The following UQCC1 variants were observed in gnomAD, a reference collection of about 807,000 sequenced individuals.
The protein encoded by UQCC1 is ubiquinol-cytochrome c reductase complex assembly factor 1, also known as bFGF-repressed Zic-binding protein.
A neutral mutation model predicts 48.0 loss-of-function variants in UQCC1; 38 were observed. The observed-to-expected ratio is 0.79, with a 90% CI of 0.61 to 1.04. The LOEUF (loss-of-function observed/expected upper bound fraction) is 1.04. Ranked by LOEUF, UQCC1 falls within the 50% of genes least tolerant of loss-of-function variation. The probability of loss-of-function intolerance (pLI) is 0.00; values close to 1 mark genes in which losing one functional copy is unlikely to be tolerated. For missense variants in UQCC1, 368 were observed against 381.8 expected, an observed-to-expected ratio of 0.96 and a Z score of 0.30; for synonymous variants, 111 against 129.2, an observed-to-expected ratio of 0.86 and a Z score of 0.95.
chr20:35,393,675 T>A (rs2062039456), intron 2 of UQCC1, among the ~76,000 whole-genome samples: 2 of 152,214 alleles, frequency 1.3e-5, no homozygotes, highest in African/African-American at 4.8e-5. Context: ...AACTACATTA[T>A]AATGATTAGG....
intron 1 of UQCC1, among the ~76,000 whole-genome samples, chr20:35,401,347 G>A (rs953412366): frequency 3.3e-5 from 5 of 152,002 alleles, no homozygotes; most frequent in African/African-American, 9.7e-5. Flanking sequence ...ACTACACTTG[G>A]GTGACATTTT....
In UQCC1 at chr20:35,384,026, G is replaced by A. The variant is rs2061907968; in HGVS notation, c.225+12C>T. The A allele has an allele frequency of 1.2e-6, 2 of 1,607,496 alleles. No individual in the cohort carries two copies. Among genetic ancestry groups the A allele is most frequent in the African/African-American group, 1.3e-5 (1 of 74,930 alleles). ...GCACTCTATAAACACAGAATGCACT[G>A]ATAATTCTCACCTTACGTGTGGTGT... On this transcript the variant is annotated intron_variant, in intron 3 of 9. Coordinates refer to ENST00000374385, the MANE Select transcript of UQCC1 (RefSeq NM_018244.5).
Position 35,303,383 on chromosome 20 carries a change from G to A in UQCC1, c.*552C>T, listed in dbSNP as rs187225610. On this transcript the variant is annotated 3_prime_UTR_variant, in exon 10 of 10. Transcript: ENST00000374385. ...CTTTCTCCGTCTCTAACTGAGCTGC[G>A]CGGTGCCCTCATTACTGCGTCCACC... The A allele has an allele frequency of 6.4e-6, 1 of 156,310 alleles. No individual in the cohort carries two copies. Among genetic ancestry groups the A allele is most frequent in the Non-Finnish European group, 1.4e-5 (1 of 70,068 alleles). 9.7% of individuals were successfully genotyped at this position (156,310 alleles called of 1,614,324 possible).
intron 6 of UQCC1, among the ~76,000 whole-genome samples, chr20:35,355,752 C>A (rs2061539512): frequency 6.6e-6 from 1 of 152,198 alleles, no homozygotes; most frequent in Admixed American, 6.6e-5. Flanking sequence ...AAGACAACCT[C>A]AGCTACTAGT....
intron 7 of UQCC1, 60 bp from the exon 8 acceptor site, chr20:35,314,825 G>A: frequency 7.0e-7 from 1 of 1,420,120 alleles, no homozygotes; most frequent in Non-Finnish European, 9.7e-7. Flanking sequence ...AACCCAAAAA[G>A]TATGATCTTT....
chr20:35,386,811 G>C (rs1204118014), intron 2 of UQCC1, among the ~76,000 whole-genome samples: 3 of 151,270 alleles, frequency 2.0e-5, no homozygotes, highest in African/African-American at 4.9e-5. Flanking sequence ...ACACTATATT[G>C]AACTACTAAA....
At chr20:35,385,512 T>G (rs6142369) in intron 2 of UQCC1, among the ~76,000 whole-genome samples, 79,464 of 151,980 alleles carry the variant, frequency 0.52, 22,445 homozygotes, top group East Asian at 0.72. Flanking sequence ...GTTTTGTTTT[T>G]GTTTTTTGAG....
At chr20:35,392,280 C>A in intron 2 of UQCC1, 1 of 1,304,306 alleles carries the variant, frequency 7.7e-7, no homozygotes, top group African/African-American at 1.5e-5. Context: ...CAGGGGACCT[C>A]AAAGATAGGA....
Position 35,411,952 on chromosome 20 carries a change from C to G in UQCC1, c.12G>C (p.Leu4=), listed in dbSNP as rs1568723653. MAL[L]VRVLRNQTSI... ...CTCCTTCACTCACAAGGACTCGCAC[C>G]AGCAACGCCATGTTCCTCAATAACC... The change falls in exon 1 of 10, where the codon CTG becomes CTC. Residue 4 remains leucine, a synonymous_variant. Coordinates refer to ENST00000374385, the MANE Select transcript of UQCC1 (RefSeq NM_018244.5). 24 of 1,614,134 alleles carry G rather than the reference C, an allele frequency of 1.5e-5. No homozygotes were observed. Among genetic ancestry groups the G allele is most frequent in the Non-Finnish European group, 1.8e-5 (21 of 1,180,054 alleles).
At position 35,398,771 on chromosome 20, in the gene UQCC1, G is replaced by A. The variant is rs536508703; in HGVS notation, c.25-4575C>T. Among the ~76,000 whole-genome samples, 5 of 101,734 alleles carry A rather than the reference G, an allele frequency of 4.9e-5. No homozygotes were observed. In the East Asian group the frequency reaches 7.0e-4, roughly 14 times the overall value. The allele number at this position is 101,734 out of a possible 152,430, so 66.7% of individuals were successfully genotyped here. ...CCAAAGGTGGGGGGGGGGGGGGGGCGGTGCAGGGGGAGCAAGAGGAAATTA... is the reference window on the plus strand; with the variant it reads ...CCAAAGGTGGGGGGGGGGGGGGGGCAGTGCAGGGGGAGCAAGAGGAAATTA... On this transcript the variant is annotated intron_variant, in intron 1 of 9. Coordinates refer to ENST00000374385, the MANE Select transcript of UQCC1 (RefSeq NM_018244.5).
intron 5 of UQCC1, among the ~76,000 whole-genome samples, chr20:35,367,805 G>A (rs999358442): frequency 2.6e-5 from 4 of 152,050 alleles, no homozygotes; most frequent in African/African-American, 9.7e-5. Context: ...AAAAAAATCA[G>A]GGCTCTAGGG....
chr20:35,327,506 C>T (rs894576674), intron 7 of UQCC1, among the ~76,000 whole-genome samples: 2 of 152,354 alleles, frequency 1.3e-5, no homozygotes, highest in East Asian at 3.9e-4. Context: ...ACAAGGTCTT[C>T]TGGCTCCTAG....
intron 7 of UQCC1, among the ~76,000 whole-genome samples, chr20:35,335,548 C>T (rs1434168784): frequency 6.6e-6 from 1 of 152,072 alleles, no homozygotes; most frequent in Non-Finnish European, 1.5e-5. Context: ...AAACATTCTG[C>T]TAAGTGAAAG....
At chr20:35,366,652 T>C in intron 5 of UQCC1, 38 bp from the exon 6 acceptor site, 3 of 1,552,634 alleles carry the variant, frequency 1.9e-6, no homozygotes, top group South Asian at 2.2e-5. Context: ...TGTGAGGGTT[T>C]AAAGGAAGCA....
chr20:35,380,770 A>G (rs2061856531), intron 4 of UQCC1, among the ~76,000 whole-genome samples: 1 of 152,196 alleles, frequency 6.6e-6, no homozygotes, highest in Admixed American at 6.5e-5. Flanking sequence ...AAAGAGAGAA[A>G]TGGTATTACA....
Position 35,334,384 on chromosome 20 carries a change from G to C in UQCC1, c.573+12780C>G, listed in dbSNP as rs757029418. Among the ~76,000 whole-genome samples the C allele has an allele frequency of 1.8e-4, 27 of 152,152 alleles. 1 individual carries two copies. The highest frequency in any genetic ancestry group is 1.5e-5 in the Non-Finnish European group (1 of 68,032). On this transcript the variant is annotated intron_variant, in intron 7 of 9. Coordinates refer to ENST00000374385, the MANE Select transcript of UQCC1 (RefSeq NM_018244.5). ...ATAAAGAGAATCTGCATTTACCATT[G>C]CAGGAGAAGTAAGAATGTCACCAAA...
chr20:35,403,693 A>C (rs1233767591), intron 1 of UQCC1, among the ~76,000 whole-genome samples: 1 of 152,244 alleles, frequency 6.6e-6, no homozygotes, highest in East Asian at 1.9e-4. Flanking sequence ...TGGATTAAGA[A>C]AATGTGGCAC....
intron 2 of UQCC1, chr20:35,384,441 A>T: frequency 3.0e-6 from 1 of 336,592 alleles, no homozygotes; most frequent in Non-Finnish European, 5.8e-6. Context: ...AGAGTTTAAG[A>T]CTCAGCCTGG....
chr20:35,399,978 T>G (rs1451608921), intron 1 of UQCC1, among the ~76,000 whole-genome samples: 3 of 137,556 alleles, frequency 2.2e-5, no homozygotes, highest in East Asian at 4.5e-4. Context: ...CAGGCTGGAG[T>G]GCAGTGGCGC....
Sources: allele counts gnomAD v4.1 joint callset (sites outside exome capture counted in the v4.1 genomes callset), GRCh38; gene constraint gnomAD v4.1.1; transcripts MANE v1.5; gene names NCBI Gene and HGNC (gene_info 2026-07-23, HGNC 2026-07-21).